CATSPERD: variants seen among roughly 807,000 people sequenced by gnomAD.
CATSPERD encodes cation channel sperm-associated auxiliary subunit delta.
In CATSPERD, 86 loss-of-function variants were observed where a neutral mutation model predicts 98.1. The observed-to-expected ratio is 0.88, with a 90% CI of 0.74 to 1.05. CATSPERD has a LOEUF of 1.05. Among genes scored for constraint, CATSPERD ranks in the 50% least tolerant of loss-of-function variants. The pLI is 0.00. For missense variants in CATSPERD, 995 were observed against 1,005.7 expected (o/e 0.99, Z 0.14); for synonymous variants, 394 against 390.2 (o/e 1.01, Z -0.12).
intron 2 of CATSPERD, among the ~76,000 whole-genome samples, chr19:5,725,839 A>C (rs1485390793): frequency 6.6e-6 from 1 of 151,780 alleles, no homozygotes; most frequent in African/African-American, 2.4e-5. Context: ...GGCAGAGGTT[A>C]CAGTGAACCA....
intron 13 of CATSPERD, among the ~76,000 whole-genome samples, chr19:5,755,338 T>C (rs1298321230): frequency 6.6e-6 from 1 of 152,108 alleles, no homozygotes; most frequent in Non-Finnish European, 1.5e-5. Context: ...AAACCGATTA[T>C]ACTCAGACTA....
At position 5,768,205 on chromosome 19, in the gene CATSPERD, T is replaced by G; in HGVS notation, c.1597T>G (p.Leu533Val). The G allele has an allele frequency of 6.2e-7, 1 of 1,613,886 alleles. No individual in the cohort carries two copies. The highest frequency in any genetic ancestry group is 8.5e-7 in the Non-Finnish European group (1 of 1,179,846). Reference sequence around the variant, plus strand: ...CTGTTCCATGGGCATCCTGGACCCCTTGACCCTGCAAGACAATTACAGCTT... The same window carrying G: ...CTGTTCCATGGGCATCCTGGACCCCGTGACCCTGCAAGACAATTACAGCTT... ...SACSMGILDP[L>V]TLQDNYSFII... is the part of the protein sequence containing the mutation. Residue 533 changes from leucine to valine, a missense_variant, in exon 18 of 22, where the codon TTG becomes GTG. Transcript: ENST00000381624.
intron 20 of CATSPERD, 124 bp from the exon 21 acceptor site, chr19:5,776,035 CCA>C: frequency 9.8e-7 from 1 of 1,018,254 alleles, no homozygotes; most frequent in Non-Finnish European, 1.4e-6. Context: ...GCACTTGGCC[CCA>C]GAGTCCCACC....
intron 2 of CATSPERD, among the ~76,000 whole-genome samples, chr19:5,726,657 C>T (rs747043052): frequency 1.3e-5 from 2 of 151,738 alleles, no homozygotes; most frequent in East Asian, 3.9e-4. Flanking sequence ...GTTGGGATTA[C>T]AGACGTGAGC....
At chr19:5,748,874 G>A (rs939722146) in intron 10 of CATSPERD, among the ~76,000 whole-genome samples, 7 of 150,896 alleles carry the variant, frequency 4.6e-5, no homozygotes, top group East Asian at 4.1e-4. Context: ...GACTACAGGC[G>A]CGCACCACCA....
chr19:5,763,911 G>T (rs139495751), intron 16 of CATSPERD, among the ~76,000 whole-genome samples: 2 of 139,198 alleles, frequency 1.4e-5, no homozygotes, highest in Non-Finnish European at 3.1e-5. Flanking sequence ...GCAGTGGTGC[G>T]ATCTCAGCTC....
intron 11 of CATSPERD, among the ~76,000 whole-genome samples, chr19:5,750,296 GA>G (rs1295665736): frequency 2.0e-5 from 3 of 146,920 alleles, no homozygotes; most frequent in African/African-American, 7.5e-5. Flanking sequence ...AAAAAAATAC[GA>G]AAAAATTAGC....
At chr19:5,765,139 C>A (rs2056513276) in intron 16 of CATSPERD, among the ~76,000 whole-genome samples, 1 of 151,936 alleles carries the variant, frequency 6.6e-6, no homozygotes, top group African/African-American at 2.4e-5. Flanking sequence ...TAACTCCTGG[C>A]CTCAAGCAAT....
At chr19:5,768,384 T>C (rs2485272) in intron 18 of CATSPERD, 142 bp downstream of exon 18, 326,531 of 406,694 alleles carry the variant, frequency 0.8, 131,982 homozygotes, top group Non-Finnish European at 0.83. Context: ...TCGCCCAGGC[T>C]GGAGTGCAGT....
At chr19:5,721,103 AT>A (rs1013908273) in intron 1 of CATSPERD, among the ~76,000 whole-genome samples, 4 of 147,884 alleles carry the variant, frequency 2.7e-5, no homozygotes, top group East Asian at 2.0e-4. Flanking sequence ...GATTCACGCC[AT>A]TCTCCTGCCT....
intron 4 of CATSPERD, among the ~76,000 whole-genome samples, chr19:5,732,733 T>C (rs2055752429): frequency 1.3e-5 from 2 of 152,124 alleles, no homozygotes; most frequent in African/African-American, 4.8e-5. Flanking sequence ...TGGAGTGCAG[T>C]GGTGCAATCT....
At chr19:5,773,252 T>C (rs1166716972) in intron 20 of CATSPERD, among the ~76,000 whole-genome samples, 3 of 152,110 alleles carry the variant, frequency 2.0e-5, no homozygotes, top group Non-Finnish European at 1.5e-5. Context: ...CTCAGGAGAA[T>C]CACTTGAGCC....
Position 5,754,190 on chromosome 19 carries a change from A to C in CATSPERD, c.1223A>C (p.Gln408Pro), listed in dbSNP as rs1368384537. The C allele has an allele frequency of 6.2e-7, 1 of 1,614,058 alleles. No homozygotes were observed. The highest frequency in any genetic ancestry group is 2.2e-5 in the East Asian group (1 of 44,876). Reference protein sequence around the residue: ...YRMYTIDMHSQLELTASLIPQ... With the variant: ...YRMYTIDMHSPLELTASLIPQ... ...ATGTATACCATTGACATGCACAGCC[A>C]GCTGGAATTGACTGCTTCGTTGATA... The change falls in exon 13 of 22, where the codon CAG (glutamine) becomes CCG (proline). Residue 408 changes from glutamine to proline, a missense_variant. By Grantham distance (76) the Gln-to-Pro change is moderately conservative. Coordinates refer to ENST00000381624, the MANE Select transcript of CATSPERD (RefSeq NM_152784.4).
intron 11 of CATSPERD, among the ~76,000 whole-genome samples, chr19:5,750,346 G>A (rs1371807565): frequency 6.7e-6 from 1 of 149,462 alleles, no homozygotes; most frequent in Non-Finnish European, 1.5e-5. Context: ...AGCTACTCGG[G>A]AGGCTGAGGC....
chr19:5,772,044 CCTTTT>C lies in CATSPERD; in HGVS notation c.1764-743_1764-739del, dbSNP rs777601049. On this transcript the variant is annotated intron_variant, in intron 19 of 21. Transcript: ENST00000381624. ...TTCCTTTCTTTCTCTCTCTCTGTTT[CCTTTT>C]TTCTTTTTTTTTTTTTGTGTTGGCG... The C allele has an allele frequency of 8.4e-3, 1,256 of 150,076 alleles. 26 individuals are homozygous for C. Among genetic ancestry groups the C allele is most frequent in the African/African-American group, 0.031 (1,152 of 37,070 alleles). The allele number at this position is 150,076 out of a possible 1,614,324, so 9.3% of individuals were successfully genotyped here. A position where few individuals can be genotyped will look rare whatever the true frequency, so the allele number is the denominator to read the frequency against.
chr19:5,750,450 C>CAAAAAA (rs60496454), intron 11 of CATSPERD, among the ~76,000 whole-genome samples: 5 of 48,670 alleles, frequency 1.0e-4, no homozygotes, highest in Non-Finnish European at 1.4e-4. Flanking sequence ...GACTCTGTCT[C>CAAAAAA]AAAAAAAAAA....
chr19:5,756,793 A>T (rs2056332076), intron 13 of CATSPERD, among the ~76,000 whole-genome samples: 1 of 151,954 alleles, frequency 6.6e-6, no homozygotes, highest in Non-Finnish European at 1.5e-5. Context: ...AAAAACACAA[A>T]AATTAGCTGG....
intron 2 of CATSPERD, among the ~76,000 whole-genome samples, chr19:5,725,792 C>T (rs550055464): frequency 1.3e-5 from 2 of 151,876 alleles, no homozygotes; most frequent in East Asian, 2.0e-4. Context: ...TCCCAGCTAT[C>T]GGGAGGCTGA....
intron 2 of CATSPERD, 87 bp downstream of exon 2, chr19:5,724,949 C>T (rs956570706): frequency 2.4e-6 from 3 of 1,233,116 alleles, no homozygotes; most frequent in Non-Finnish European, 2.4e-6. Flanking sequence ...CTTGGGTGCC[C>T]GTGTTGTCAA....
Sources: gnomAD v4.1 joint callset for allele counts (sites outside exome capture counted in the v4.1 genomes callset) on GRCh38, gnomAD v4.1.1 for gene constraint, MANE v1.5 for transcripts, NCBI Gene and HGNC (gene_info 2026-07-23, HGNC 2026-07-21) for gene names.